The following DYNC1I1 variants were observed in gnomAD, a reference collection of about 807,000 sequenced individuals.
DYNC1I1 encodes the protein dynein cytoplasmic 1 intermediate chain 1.
DYNC1I1 carries 43 observed loss-of-function variants against 86.6 expected under a neutral mutation model. The ratio of observed to expected loss-of-function variants is 0.50; its 90% CI spans 0.39 to 0.64. The LOEUF (loss-of-function observed/expected upper bound fraction) is 0.64. Ranked by LOEUF, DYNC1I1 falls within the 30% of genes least tolerant of loss-of-function variation. DYNC1I1 has a pLI of 0.00. For missense variants in DYNC1I1, 604 were observed against 788.8 expected, an observed-to-expected ratio of 0.77 and a Z score of 2.81; for synonymous variants, 262 against 283.7, an observed-to-expected ratio of 0.92 and a Z score of 0.77.
At chr7:95,860,968 G>T (rs926858217) in intron 5 of DYNC1I1, among the ~76,000 whole-genome samples, 4 of 152,108 alleles carry the variant, frequency 2.6e-5, no homozygotes, top group African/African-American at 9.7e-5. Flanking sequence ...AAACTATGGG[G>T]TTTTCAATAT....
intron 6 of DYNC1I1, among the ~76,000 whole-genome samples, chr7:95,887,274 C>T (rs1790618539): frequency 6.6e-6 from 1 of 152,084 alleles, no homozygotes; most frequent in African/African-American, 2.4e-5. Flanking sequence ...AAAGCACAGC[C>T]GGGATTGAGA....
intron 6 of DYNC1I1, among the ~76,000 whole-genome samples, chr7:95,881,401 T>TA (rs1790452208): frequency 6.6e-6 from 1 of 152,234 alleles, no homozygotes; most frequent in Non-Finnish European, 1.5e-5. Flanking sequence ...CTGATCACTA[T>TA]TACCATAAAG....
At chr7:96,015,225 A>G (rs1235856294) in intron 10 of DYNC1I1, among the ~76,000 whole-genome samples, 1 of 152,174 alleles carries the variant, frequency 6.6e-6, no homozygotes, top group Non-Finnish European at 1.5e-5. Context: ...TATTATGATA[A>G]TTGACTGACA....
intron 14 of DYNC1I1, among the ~76,000 whole-genome samples, chr7:96,071,697 A>C (rs765055962): frequency 2.6e-5 from 4 of 152,222 alleles, no homozygotes; most frequent in Non-Finnish European, 5.9e-5. Flanking sequence ...TTCATCTCAC[A>C]AGGTGCTAAA....
intron 6 of DYNC1I1, among the ~76,000 whole-genome samples, chr7:95,887,702 A>T (rs1790631375): frequency 6.6e-6 from 1 of 152,176 alleles, no homozygotes; most frequent in South Asian, 2.1e-4. Flanking sequence ...TGGAGAAAAG[A>T]GTTAATATCC....
intron 6 of DYNC1I1, among the ~76,000 whole-genome samples, chr7:95,896,358 C>A (rs150405133): frequency 3.3e-5 from 5 of 152,202 alleles, no homozygotes; most frequent in Admixed American, 6.5e-5. Context: ...GGTAAACTGA[C>A]GAGGATTGTT....
At chr7:95,783,748 T>C (rs1191124514) in intron 1 of DYNC1I1, among the ~76,000 whole-genome samples, 3 of 152,150 alleles carry the variant, frequency 2.0e-5, no homozygotes, top group East Asian at 3.9e-4. Context: ...AATGTGATTA[T>C]GATTAAGAGG....
chr7:95,917,566 C>T (rs899838561), intron 6 of DYNC1I1, among the ~76,000 whole-genome samples: 1 of 152,144 alleles, frequency 6.6e-6, no homozygotes, highest in Admixed American at 6.5e-5. Context: ...GAACCCCATC[C>T]CCAATCCCTT....
intron 6 of DYNC1I1, among the ~76,000 whole-genome samples, chr7:95,916,820 C>T (rs1411308416): frequency 6.6e-6 from 1 of 152,192 alleles, no homozygotes; most frequent in African/African-American, 2.4e-5. Flanking sequence ...CTGATTTCAG[C>T]ACTTTCAAAA....
intron 1 of DYNC1I1, among the ~76,000 whole-genome samples, chr7:95,784,227 G>A (rs947575656): frequency 6.6e-6 from 1 of 151,998 alleles, no homozygotes; most frequent in Non-Finnish European, 1.5e-5. Context: ...GGTCTATCGG[G>A]GGTACATTTC....
chr7:96,011,886 T>G (rs1290268368), intron 10 of DYNC1I1, among the ~76,000 whole-genome samples: 1 of 152,212 alleles, frequency 6.6e-6, no homozygotes, highest in Non-Finnish European at 1.5e-5. Flanking sequence ...AATTTAAAGA[T>G]AAGACGGGAT....
intron 10 of DYNC1I1, among the ~76,000 whole-genome samples, chr7:96,001,280 C>A (rs1215273599): frequency 6.6e-6 from 1 of 152,120 alleles, no homozygotes; most frequent in African/African-American, 2.4e-5. Flanking sequence ...TCTTGTCCCT[C>A]CCTTCCCTGC....
chr7:95,939,601 C>G (rs1792144302), intron 6 of DYNC1I1, among the ~76,000 whole-genome samples: 1 of 150,756 alleles, frequency 6.6e-6, no homozygotes, highest in African/African-American at 2.4e-5. Context: ...TCTGTTTTAT[C>G]AGAGACTAGG....
intron 6 of DYNC1I1, among the ~76,000 whole-genome samples, chr7:95,949,292 A>G (rs1007178978): frequency 2.0e-5 from 3 of 152,358 alleles, no homozygotes; most frequent in Non-Finnish European, 4.4e-5. Flanking sequence ...TTCTGTGCAC[A>G]TAAATCCCTT....
At chr7:96,037,855 GTAGCAGGCATTGGCT>G (rs1562981021) in intron 13 of DYNC1I1, among the ~76,000 whole-genome samples, 2 of 152,130 alleles carry the variant, frequency 1.3e-5, no homozygotes, top group African/African-American at 4.8e-5. Context: ...ACATTGTAAC[GTAGCAGGCATTGGCT>G]TTGTAGTCAT....
In DYNC1I1 at chr7:96,028,328, C is replaced by A. The variant is rs1471808332; in HGVS notation, c.1116+7C>A. ...ATCAGCTGCTGCACACACGGTAATG[C>A]AAACTTTTGCCATATCCCTGTGAGC... On this transcript the variant is annotated splice_region_variant and intron_variant, in intron 11 of 16. Transcript: ENST00000447467. The A allele has an allele frequency of 1.3e-6, 2 of 1,592,572 alleles. No homozygotes were observed.
At chr7:95,809,446 A>T (rs937714146) in intron 2 of DYNC1I1, among the ~76,000 whole-genome samples, 1 of 152,168 alleles carries the variant, frequency 6.6e-6, no homozygotes. Flanking sequence ...TCACTTCTGT[A>T]AGCTTACAAA....
chr7:95,776,732 A>T (rs1793850543), intron 1 of DYNC1I1, among the ~76,000 whole-genome samples: 1 of 152,204 alleles, frequency 6.6e-6, no homozygotes, highest in African/African-American at 2.4e-5. Flanking sequence ...CAGGTATAGC[A>T]AACATCAACT....
intron 9 of DYNC1I1, among the ~76,000 whole-genome samples, chr7:95,990,186 T>C (rs1793696789): frequency 6.6e-6 from 1 of 152,184 alleles, no homozygotes; most frequent in African/African-American, 2.4e-5. Context: ...TGGAGGATTA[T>C]GTCAACTTTG....
Sources: allele counts gnomAD v4.1 joint callset (sites outside exome capture counted in the v4.1 genomes callset), GRCh38; gene constraint gnomAD v4.1.1; transcripts MANE v1.5; gene names NCBI Gene and HGNC (gene_info 2026-07-23, HGNC 2026-07-21).